The following UHMK1 variants were observed in gnomAD, a reference collection of about 807,000 sequenced individuals.
UHMK1 encodes the protein serine/threonine-protein kinase Kist.
UHMK1 carries 18 observed loss-of-function variants against 44.0 expected under a neutral mutation model. The ratio of observed to expected loss-of-function variants is 0.41; its 90% CI spans 0.28 to 0.61. The LOEUF is 0.61. UHMK1 is among the 20% of genes least tolerant of loss of function. UHMK1 has a pLI of 0.31. For synonymous variants in UHMK1, 231 were observed against 198.5 expected (o/e 1.16, Z -1.38); for missense variants, 463 against 522.5 (o/e 0.89, Z 1.11).
At position 162,503,810 on chromosome 1, in the gene UHMK1, C is replaced by T. The variant is rs771097990; in HGVS notation, c.810C>T (p.Ala270=). ...TTGCCAGTAAAGCAGTGGTGAATGC[C>T]GCAATTCCAGCCTATCACCTAAGAG... The part of the protein sequence containing the change: ...HIFASKAVVN[A]AIPAYHLRDL... Residue 270 remains alanine, a synonymous_variant, in exon 4 of 8, where the codon GCC becomes GCT. Coordinates refer to ENST00000489294, the MANE Select transcript of UHMK1 (RefSeq NM_175866.5). 135 of 1,613,824 alleles carry T rather than the reference C, an allele frequency of 8.4e-5. No homozygotes were observed. The highest frequency in any genetic ancestry group is 1.1e-4 in the Non-Finnish European group (128 of 1,179,978).
At chr1:162,502,861 A>G (rs919564449) in intron 3 of UHMK1, among the ~76,000 whole-genome samples, 10 of 152,192 alleles carry the variant, frequency 6.6e-5, no homozygotes, top group Non-Finnish European at 1.0e-4. Flanking sequence ...CATCTATCTC[A>G]TAAGACTACT....
intron 7 of UHMK1, 83 bp from the exon 8 acceptor site, chr1:162,522,321 T>G: frequency 2.8e-6 from 4 of 1,441,088 alleles, no homozygotes; most frequent in Non-Finnish European, 3.8e-6. Flanking sequence ...CTCCAGTTGA[T>G]GTATATATAT....
At chr1:162,511,169 T>C (rs901449527) in intron 4 of UHMK1, among the ~76,000 whole-genome samples, 2 of 145,458 alleles carry the variant, frequency 1.4e-5, no homozygotes, top group African/African-American at 5.1e-5. Flanking sequence ...ATTTGAGCTC[T>C]TTTTTTCTTT....
Position 162,499,941 on chromosome 1 carries a change from A to G in UHMK1, c.269-14A>G, listed in dbSNP as rs1651206002. ...TGAGTCTGATTTTTAAAGTATTATA[A>G]TTTCTTTTTCTAGTGACTTTGTATG... On this transcript the variant is annotated splice_polypyrimidine_tract_variant and intron_variant, in intron 1 of 7. Transcript: ENST00000489294. 1 of 1,611,888 alleles carries G rather than the reference A, an allele frequency of 6.2e-7. No homozygotes were observed. The highest frequency in any genetic ancestry group is 8.5e-7 in the Non-Finnish European group (1 of 1,179,082).
At chr1:162,500,772 A>G (rs1651239691) in intron 2 of UHMK1, 141 bp from the exon 3 acceptor site, 3 of 716,460 alleles carry the variant, frequency 4.2e-6, no homozygotes, top group Admixed American at 3.0e-5. Flanking sequence ...CCAAAGAATT[A>G]TGGTAATCAA....
chr1:162,511,163 G>T (rs181166269), intron 4 of UHMK1, among the ~76,000 whole-genome samples: 1 of 146,494 alleles, frequency 6.8e-6, no homozygotes, highest in Non-Finnish European at 1.5e-5. Context: ...AAAGTTATTT[G>T]AGCTCTTTTT....
chr1:162,509,945 T>C (rs1651609949), intron 4 of UHMK1, among the ~76,000 whole-genome samples: 1 of 152,214 alleles, frequency 6.6e-6, no homozygotes, highest in South Asian at 2.1e-4. Context: ...ACGCCTGGCC[T>C]AGTTTTTGTT....
At chr1:162,503,065 A>G (rs763875874) in intron 3 of UHMK1, among the ~76,000 whole-genome samples, 1 of 152,208 alleles carries the variant, frequency 6.6e-6, no homozygotes, top group Admixed American at 6.5e-5. Context: ...AGATGTTTTA[A>G]TACTGCATCA....
rs1287098237 is a variant in UHMK1 at position 162,529,253 on chromosome 1, T to C, written c.*6703T>C. ...TTGTGATGTCTTATTGTTTGTGAGC[T>C]TTTGTTTTTTTTTTAAAGAAAAAAC... On this transcript the variant is annotated 3_prime_UTR_variant, in exon 8 of 8. Transcript: ENST00000489294. 5.3e-5 allele frequency: 8 copies of C among 152,140 alleles called. No individual in the cohort carries two copies. Among genetic ancestry groups the C allele is most frequent in the Non-Finnish European group, 1.5e-5 (1 of 67,986 alleles). 9.4% of individuals were successfully genotyped at this position (152,140 alleles called of 1,614,324 possible).
intron 1 of UHMK1, among the ~76,000 whole-genome samples, chr1:162,499,671 C>T (rs1651196647): frequency 6.6e-6 from 1 of 152,034 alleles, no homozygotes; most frequent in African/African-American, 2.4e-5. Flanking sequence ...ACTCCAAGTT[C>T]GTGTTCATCA....
At chr1:162,507,143 G>A (rs1201664166) in intron 4 of UHMK1, among the ~76,000 whole-genome samples, 1 of 147,948 alleles carries the variant, frequency 6.8e-6, no homozygotes, top group Non-Finnish European at 1.5e-5. Flanking sequence ...TTTTTGAGAC[G>A]GAGTTTTTGC....
Position 162,498,101 on chromosome 1 carries a change from C to A in UHMK1, c.101C>A (p.Ser34Tyr). The change falls in exon 1 of 8, where the codon TCC (serine) becomes TAC (tyrosine). Residue 34 changes from serine to tyrosine, a missense_variant. Ser to Tyr is a moderately radical substitution (Grantham distance 144, BLOSUM62 -2). This residue lies in a region of UHMK1 where 191 missense variants were observed against 176.0 expected (regional missense o/e 1.09). Transcript: ENST00000489294. Reference sequence around the variant, plus strand: ...CAGAGCCGTCTGGGTAGCGGCTCCTCCGCCTCGGTGTATCGGGTTCGCTGC... The same window carrying A: ...CAGAGCCGTCTGGGTAGCGGCTCCTACGCCTCGGTGTATCGGGTTCGCTGC... ...QVQSRLGSGS[S>Y]ASVYRVRCCG... 1 of 1,612,112 alleles carries A rather than the reference C, an allele frequency of 6.2e-7. No individual in the cohort carries two copies. The highest frequency in any genetic ancestry group is 8.5e-7 in the Non-Finnish European group (1 of 1,179,630).
At chr1:162,518,944 A>G (rs1289935207) in intron 7 of UHMK1, among the ~76,000 whole-genome samples, 1 of 148,404 alleles carries the variant, frequency 6.7e-6, no homozygotes, top group Non-Finnish European at 1.5e-5. Flanking sequence ...AGTGGAGGTC[A>G]TGCCACTGCA....
chr1:162,518,088 G>A lies in UHMK1; in HGVS notation c.1025-14G>A, dbSNP rs373116327. ...TATATCAGAGCAGTTACTGTTATGT[G>A]TTTTAATAATCAGATGTTGTAGAAG... On this transcript the variant is annotated splice_polypyrimidine_tract_variant and intron_variant, in intron 6 of 7. Transcript: ENST00000489294. 1.8e-5 allele frequency: 29 copies of A among 1,576,744 alleles called. No individual in the cohort carries two copies. The highest frequency in any genetic ancestry group is 2.4e-5 in the Non-Finnish European group (27 of 1,146,528).
chr1:162,508,972 A>G (rs559477120), intron 4 of UHMK1, among the ~76,000 whole-genome samples: 299 of 152,070 alleles, frequency 2.0e-3, no homozygotes, highest in African/African-American at 6.9e-3. Context: ...TTTTTTGTAG[A>G]CAAAGTCACA....
chr1:162,498,333 C>T lies in UHMK1; in HGVS notation c.268+65C>T, dbSNP rs1465830197. 3.3e-6 allele frequency: 5 copies of T among 1,506,240 alleles called. 1 individual carries two copies. The African/African-American group carries it at 7.0e-5, about 21-fold the overall frequency. The allele number at this position is 1,506,240 out of a possible 1,614,324, so 93.3% of individuals were successfully genotyped here. A position where few individuals can be genotyped will look rare whatever the true frequency, so the allele number is the denominator to read the frequency against. Reference sequence around the variant, plus strand: ...CAGTCCGAGCACACTCTTCCTCTCGCTGTCTGGCGTTCCATCTTCCTCCCC... The same window carrying T: ...CAGTCCGAGCACACTCTTCCTCTCGTTGTCTGGCGTTCCATCTTCCTCCCC... On this transcript the variant is annotated intron_variant, in intron 1 of 7. Transcript: ENST00000489294.
rs963618627 is a variant in UHMK1 at position 162,512,392 on chromosome 1, T to C, written c.849-108T>C. On this transcript the variant is annotated intron_variant, in intron 4 of 7. Coordinates refer to ENST00000489294, the MANE Select transcript of UHMK1 (RefSeq NM_175866.5). ...AAGTGAATGATTCAATAAATCATGC[T>C]AATATAATTAATGCTGTGATGAACA... 8.3e-6 allele frequency: 7 copies of C among 842,238 alleles called. No individual in the cohort carries two copies. In the East Asian group the frequency reaches 1.7e-4, roughly 21 times the overall value. The allele number at this position is 842,238 out of a possible 1,614,324, so 52.2% of individuals were successfully genotyped here.
intron 6 of UHMK1, among the ~76,000 whole-genome samples, chr1:162,515,153 C>CAGAA (rs10661123): frequency 0.46 from 69,460 of 151,486 alleles, 15,901 homozygotes; most frequent in East Asian, 0.47. Context: ...AAATTTAAAA[C>CAGAA]AGCAAACAGA....
chr1:162,522,628 C>A lies in UHMK1; in HGVS notation c.*78C>A. ...TCCACATATGAATGCAGGACTACCC[C>A]CTTACCATTTTAAGAAGGTACTTTA... On this transcript the variant is annotated 3_prime_UTR_variant, in exon 8 of 8. Coordinates refer to ENST00000489294, the MANE Select transcript of UHMK1 (RefSeq NM_175866.5). 2 of 1,439,910 alleles carry A rather than the reference C, an allele frequency of 1.4e-6. No homozygotes were observed. Among genetic ancestry groups the A allele is most frequent in the Non-Finnish European group, 9.5e-7 (1 of 1,055,230 alleles). The allele number at this position is 1,439,910 out of a possible 1,614,324, so 89.2% of individuals were successfully genotyped here. A position where few individuals can be genotyped will look rare whatever the true frequency, so the allele number is the denominator to read the frequency against.
Sources: allele counts gnomAD v4.1 joint callset (sites outside exome capture counted in the v4.1 genomes callset), GRCh38; gene constraint gnomAD v4.1.1; regional missense constraint gnomAD v4.1.1; transcripts MANE v1.5; gene names NCBI Gene and HGNC (gene_info 2026-07-23, HGNC 2026-07-21).